The following WIPF3 variants were observed in gnomAD, a reference collection of about 807,000 sequenced individuals.
The protein encoded by WIPF3 is WAS/WASL-interacting protein family member 3.
In WIPF3, 33 loss-of-function variants were observed where a neutral mutation model predicts 38.9. That is an observed-to-expected ratio of 0.85 (90% CI 0.64 to 1.14). The LOEUF (loss-of-function observed/expected upper bound fraction) is 1.14. WIPF3 is among the 50% of genes most tolerant of loss of function. The probability of loss-of-function intolerance (pLI) is 0.00; values close to 1 mark genes in which losing one functional copy is unlikely to be tolerated. For synonymous variants in WIPF3, 324 were observed against 269.3 expected (o/e 1.20, Z -1.99); for missense variants, 711 against 652.5 (o/e 1.09, Z -0.98).
chr7:29,868,738 T>C (rs1440175532), intron 2 of WIPF3, among the ~76,000 whole-genome samples: 2 of 152,128 alleles, frequency 1.3e-5, no homozygotes, highest in Non-Finnish European at 2.9e-5. Context: ...GGTTATGTGG[T>C]ATGGCCTGTT....
intron 2 of WIPF3, among the ~76,000 whole-genome samples, chr7:29,848,753 G>C (rs1382965494): frequency 6.6e-6 from 1 of 152,146 alleles, no homozygotes; most frequent in African/African-American, 2.4e-5. Context: ...TACAGTGTTG[G>C]ATATGTTTTT....
chr7:29,884,166 A>G lies in WIPF3; in HGVS notation c.672A>G (p.Pro224=). 21 of 1,300,862 alleles carry G rather than the reference A, an allele frequency of 1.6e-5. No individual in the cohort carries two copies. The highest frequency in any genetic ancestry group is 2.1e-5 in the Non-Finnish European group (21 of 1,014,706). 80.6% of individuals were successfully genotyped at this position (1,300,862 alleles called of 1,614,324 possible). Residue 224 remains proline (P), a synonymous_variant, in exon 5 of 9, where the codon CCA becomes CCG. Coordinates refer to ENST00000242140, the MANE Select transcript of WIPF3 (RefSeq NM_001080529.3). ...VVAPPVPCAP[P]PPPPPPPPTP... ...CACCCCCCGTCCCCTGTGCGCCACC[A>G]CCTCCACCTCCGCCACCTCCCCCAA...
chr7:29,846,657 CA>C lies in WIPF3; in HGVS notation c.90+11844del, dbSNP rs535654904. On this transcript the variant is annotated intron_variant, in intron 2 of 8. Coordinates refer to ENST00000242140, the MANE Select transcript of WIPF3 (RefSeq NM_001080529.3). ...CGGAGGTTGCAGTGAGCCAAGATCA[CA>C]CCACATTGTACTCCAGCCTGGAAGA... Among the ~76,000 whole-genome samples, 9 of 152,354 alleles carry C rather than the reference CA, an allele frequency of 5.9e-5. No individual in the cohort carries two copies. The South Asian group carries it at 1.9e-3, about 32-fold the overall frequency.
chr7:29,855,593 C>T (rs1483437620), intron 2 of WIPF3, among the ~76,000 whole-genome samples: 1 of 152,162 alleles, frequency 6.6e-6, no homozygotes, highest in Non-Finnish European at 1.5e-5. Context: ...TTGGGGGCCA[C>T]TGTTGTTCTA....
chr7:29,883,055 C>T (rs1341376071), intron 4 of WIPF3, among the ~76,000 whole-genome samples: 6 of 152,214 alleles, frequency 3.9e-5, no homozygotes, highest in Non-Finnish European at 7.3e-5. Context: ...GAGGCCCCTC[C>T]TGGGGACGTG....
intron 6 of WIPF3, among the ~76,000 whole-genome samples, chr7:29,888,811 C>A (rs1006645121): frequency 1.3e-5 from 2 of 152,210 alleles, no homozygotes; most frequent in Non-Finnish European, 2.9e-5. Context: ...AGAGCAGAAG[C>A]TGTTTGCTTT....
At chr7:29,898,010 C>G (rs528311119) in intron 7 of WIPF3, among the ~76,000 whole-genome samples, 9 of 152,180 alleles carry the variant, frequency 5.9e-5, no homozygotes, top group African/African-American at 2.2e-4. Flanking sequence ...TTAGCCAACA[C>G]TGCCTCCACT....
At position 29,884,197 on chromosome 7, in the gene WIPF3, C is replaced by G. The variant is rs1242431500; in HGVS notation, c.703C>G (p.Pro235Ala). ...PPPPPPPPTP[P>A]PLPPASVLSD... ...ACCTCCGCCACCTCCCCCAACGCCA[C>G]CCCCGCTGCCCCCGGCCTCGGTTCT... Residue 235 changes from proline (P) to alanine (A), a missense_variant, in exon 5 of 9, where the codon CCC (proline) becomes GCC (alanine). Transcript: ENST00000242140. 1 of 1,519,962 alleles carries G rather than the reference C, an allele frequency of 6.6e-7. No homozygotes were observed. Among genetic ancestry groups the G allele is most frequent in the East Asian group, 2.5e-5 (1 of 40,272 alleles). The allele number at this position is 1,519,962 out of a possible 1,614,324, so 94.2% of individuals were successfully genotyped here. A position where few individuals can be genotyped will look rare whatever the true frequency, so the allele number is the denominator to read the frequency against.
At chr7:29,890,384 A>AGGTG (rs1785981115) in intron 7 of WIPF3, among the ~76,000 whole-genome samples, 1 of 146,432 alleles carries the variant, frequency 6.8e-6, no homozygotes, top group African/African-American at 2.5e-5. Context: ...AGAGAGAGAG[A>AGGTG]ATGAGGTGAT....
chr7:29,828,192 G>A (rs1287131261), intron 1 of WIPF3, among the ~76,000 whole-genome samples: 1 of 152,148 alleles, frequency 6.6e-6, no homozygotes, highest in African/African-American at 2.4e-5. Context: ...TACTCTCACA[G>A]ACTACTCTTG....
intron 3 of WIPF3, among the ~76,000 whole-genome samples, chr7:29,876,946 T>C (rs984348914): frequency 1.3e-5 from 2 of 152,158 alleles, no homozygotes; most frequent in East Asian, 3.8e-4. Context: ...CCTTTTTTTT[T>C]TCTTGGTCGA....
intron 5 of WIPF3, 148 bp downstream of exon 5, chr7:29,884,741 G>A: frequency 8.0e-7 from 1 of 1,257,236 alleles, no homozygotes; most frequent in Non-Finnish European, 1.1e-6. Flanking sequence ...CATGCTGCAT[G>A]TAAGCAAGGG....
At chr7:29,821,854 T>A (rs575172114) in intron 1 of WIPF3, among the ~76,000 whole-genome samples, 97 of 152,314 alleles carry the variant, frequency 6.4e-4, no homozygotes, top group African/African-American at 2.3e-3. Flanking sequence ...CCTGTTTTCT[T>A]TGGGCTTCTT....
chr7:29,889,038 G>A (rs560062051), intron 6 of WIPF3, among the ~76,000 whole-genome samples: 1 of 152,100 alleles, frequency 6.6e-6, no homozygotes, highest in Non-Finnish European at 1.5e-5. Flanking sequence ...GCTTCCTTAC[G>A]GTGTTATTGG....
chr7:29,814,890 G>A (rs1784433017), intron 1 of WIPF3, among the ~76,000 whole-genome samples: 1 of 152,112 alleles, frequency 6.6e-6, no homozygotes, highest in Non-Finnish European at 1.5e-5. Context: ...AATGAAACTG[G>A]CCCCTTTCCT....
At chr7:29,845,116 C>CA (rs1188287839) in intron 2 of WIPF3, among the ~76,000 whole-genome samples, 74 of 144,810 alleles carry the variant, frequency 5.1e-4, no homozygotes, top group African/African-American at 1.8e-3. Context: ...AAAAAAAACA[C>CA]AAAAAACATA....
Position 29,912,341 on chromosome 7 carries a change from G to C in WIPF3, c.1429-2152G>C, listed in dbSNP as rs188789583. ...GCACTGTTGGTGAGAATGTGAAATG[G>C]TACAGCTGCTGTGGAAAACAGTATG... On this transcript the variant is annotated intron_variant, in intron 8 of 8. Coordinates refer to ENST00000242140, the MANE Select transcript of WIPF3 (RefSeq NM_001080529.3). Among the ~76,000 whole-genome samples the C allele has an allele frequency of 9.2e-5, 14 of 152,348 alleles. No homozygotes were observed. In the East Asian group the frequency reaches 2.5e-3, roughly 27 times the overall value.
At chr7:29,825,738 C>G (rs1429117582) in intron 1 of WIPF3, among the ~76,000 whole-genome samples, 6 of 152,058 alleles carry the variant, frequency 3.9e-5, no homozygotes, top group Non-Finnish European at 7.4e-5. Flanking sequence ...AATAAGAGTC[C>G]TATAAAAGAA....
At chr7:29,843,796 A>G (rs1784956090) in intron 2 of WIPF3, among the ~76,000 whole-genome samples, 1 of 151,868 alleles carries the variant, frequency 6.6e-6, no homozygotes, top group Admixed American at 6.5e-5. Flanking sequence ...CTTTCTTGTC[A>G]TAAAAGGGAA....
Sources: gnomAD v4.1 joint callset for allele counts (sites outside exome capture counted in the v4.1 genomes callset) on GRCh38, gnomAD v4.1.1 for gene constraint, MANE v1.5 for transcripts, NCBI Gene and HGNC (gene_info 2026-07-23, HGNC 2026-07-21) for gene names.